Variants in APELA observed in about 807,000 individuals in gnomAD.
APELA encodes protein Elabela.
At chr4:164,892,152 A>T (rs1730895476) in intron 2 of APELA, among the ~76,000 whole-genome samples, 1 of 151,980 alleles carries the variant, frequency 6.6e-6, no homozygotes, top group Non-Finnish European at 1.5e-5. Context: ...CTCTGCAAAA[A>T]TTACAAATAA....
At chr4:164,893,640 C>T (rs1164762644) in intron 2 of APELA, among the ~76,000 whole-genome samples, 2 of 152,156 alleles carry the variant, frequency 1.3e-5, no homozygotes, top group East Asian at 3.8e-4. Flanking sequence ...CTCTCTTATA[C>T]TTGCTGCTTG....
chr4:164,879,770 C>T (rs975375419), intron 2 of APELA, among the ~76,000 whole-genome samples: 3 of 151,966 alleles, frequency 2.0e-5, no homozygotes, highest in Non-Finnish European at 4.4e-5. Context: ...TATTTGCCCT[C>T]AGGGTTTATT....
rs143450844 is a variant in APELA at position 164,888,938 on chromosome 4, A to G, written c.*2-6478A>G. ...CTACTCTTCACCTTTTTCCTACTCA[A>G]TGAAAATTTTGATTAAATGTCACTT... On this transcript the variant is annotated intron_variant, in intron 2 of 2. Transcript: ENST00000507152. Among the ~76,000 whole-genome samples, 498 of 152,058 alleles carry G rather than the reference A, an allele frequency of 3.3e-3. 3 individuals carry two copies. Among genetic ancestry groups the G allele is most frequent in the African/African-American group, 0.011 (460 of 41,466 alleles).
At chr4:164,886,195 T>A (rs1480000341) in intron 2 of APELA, among the ~76,000 whole-genome samples, 1 of 152,192 alleles carries the variant, frequency 6.6e-6, no homozygotes, top group Non-Finnish European at 1.5e-5. Context: ...TATGGGGCAT[T>A]CCTGTGTGGG....
At chr4:164,879,431 T>C (rs1239152646) in intron 2 of APELA, among the ~76,000 whole-genome samples, 1 of 151,888 alleles carries the variant, frequency 6.6e-6, no homozygotes, top group Non-Finnish European at 1.5e-5. Flanking sequence ...CCTCTCCTCC[T>C]CTCCTCCTCT....
At chr4:164,881,466 TGATCCCA>T (rs1012285420) in intron 2 of APELA, among the ~76,000 whole-genome samples, 34 of 152,204 alleles carry the variant, frequency 2.2e-4, no homozygotes, top group African/African-American at 8.2e-4. Flanking sequence ...TCATCCTCAA[TGATCCCA>T]GCCTATGCAA....
chr4:164,887,702 C>T (rs575124783), intron 2 of APELA, among the ~76,000 whole-genome samples: 4 of 152,120 alleles, frequency 2.6e-5, no homozygotes, highest in African/African-American at 9.6e-5. Flanking sequence ...ACCTCTGCCT[C>T]CTGGGTTTAA....
chr4:164,883,484 C>CTTT lies in APELA; in HGVS notation c.*1+4478_*1+4480dup, dbSNP rs758157733. 1.3e-3 allele frequency among the ~76,000 whole-genome samples: 162 copies of CTTT among 129,368 alleles called. 11 individuals carry two copies. The highest frequency in any genetic ancestry group is 3.1e-3 in the African/African-American group (95 of 30,960). The allele number at this position is 129,368 out of a possible 152,430, so 84.9% of individuals were successfully genotyped here. ...CTTTTATGTTCCCTTTCTAGTCTTT[C>CTTT]TTTTTCTTTTTTTTTTTTTTTGAGA... On this transcript the variant is annotated intron_variant, in intron 2 of 2. Coordinates refer to ENST00000507152, the MANE Select transcript of APELA (RefSeq NM_001297550.2).
At chr4:164,883,483 T>TG (rs1730699466) in intron 2 of APELA, among the ~76,000 whole-genome samples, 2 of 139,542 alleles carry the variant, frequency 1.4e-5, no homozygotes, top group African/African-American at 5.8e-5. Flanking sequence ...TTCTAGTCTT[T>TG]CTTTTTCTTT....
intron 2 of APELA, among the ~76,000 whole-genome samples, chr4:164,880,036 A>G (rs541865788): frequency 1.3e-5 from 2 of 152,356 alleles, no homozygotes; most frequent in Admixed American, 6.5e-5. Flanking sequence ...ACTAAAAAAT[A>G]CACAGTTTGG....
At chr4:164,885,829 A>G (rs1730760145) in intron 2 of APELA, among the ~76,000 whole-genome samples, 1 of 152,186 alleles carries the variant, frequency 6.6e-6, no homozygotes, top group Admixed American at 6.5e-5. Flanking sequence ...CACTAGACAC[A>G]CACACATTTT....
intron 2 of APELA, among the ~76,000 whole-genome samples, chr4:164,894,038 T>C (rs1217831053): frequency 6.6e-6 from 1 of 152,140 alleles, no homozygotes; most frequent in African/African-American, 2.4e-5. Flanking sequence ...TTAACAATTT[T>C]TTGGCCGGGC....
intron 2 of APELA, among the ~76,000 whole-genome samples, chr4:164,883,514 A>G (rs1414973703): frequency 3.9e-4 from 49 of 127,264 alleles, no homozygotes; most frequent in Admixed American, 1.7e-4. Flanking sequence ...TTGAGACAGG[A>G]TCTCATTCTG....
At chr4:164,884,422 A>G (rs1730729472) in intron 2 of APELA, among the ~76,000 whole-genome samples, 3 of 152,206 alleles carry the variant, frequency 2.0e-5, no homozygotes, top group Admixed American at 6.5e-5. Flanking sequence ...TTCTGAATCC[A>G]GTGAATGTGT....
At chr4:164,879,664 C>T (rs757380829) in intron 2 of APELA, among the ~76,000 whole-genome samples, 1 of 152,156 alleles carries the variant, frequency 6.6e-6, no homozygotes, top group Non-Finnish European at 1.5e-5. Context: ...AGGCTGGTCT[C>T]GAACTCCTAG....
chr4:164,884,121 G>A (rs199907764), intron 2 of APELA, among the ~76,000 whole-genome samples: 14 of 113,378 alleles, frequency 1.2e-4, no homozygotes, highest in Middle Eastern at 3.8e-3. Context: ...AAGAAAGAAA[G>A]AGAAAGAAAG....
chr4:164,894,252 G>C (rs2111070229), intron 2 of APELA, among the ~76,000 whole-genome samples: 1 of 152,202 alleles, frequency 6.6e-6, no homozygotes, highest in East Asian at 1.9e-4. Flanking sequence ...TTGAACCCAG[G>C]AAGTGAAGGT....
At chr4:164,889,395 T>C (rs1173235854) in intron 2 of APELA, among the ~76,000 whole-genome samples, 1 of 152,224 alleles carries the variant, frequency 6.6e-6, no homozygotes, top group African/African-American at 2.4e-5. Flanking sequence ...TTTACTGCTT[T>C]GTCTTTTACT....
chr4:164,881,431 C>CTGTCAATT (rs1396940407), intron 2 of APELA, among the ~76,000 whole-genome samples: 15 of 152,142 alleles, frequency 9.9e-5, no homozygotes, highest in African/African-American at 3.6e-4. Flanking sequence ...TATCTTTACT[C>CTGTCAATT]TGTCAATTTT....
Sources: gnomAD v4.1 joint callset for allele counts (sites outside exome capture counted in the v4.1 genomes callset) on GRCh38, gnomAD v4.1.1 for gene constraint, MANE v1.5 for transcripts, NCBI Gene and HGNC (gene_info 2026-07-23, HGNC 2026-07-21) for gene names.